DDAH1: variants seen among roughly 807,000 people sequenced by gnomAD.
DDAH1 encodes dimethylarginine dimethylaminohydrolase 1, also known as N(G),N(G)-dimethylarginine dimethylaminohydrolase 1.
A neutral mutation model predicts 28.8 loss-of-function variants in DDAH1; 19 were observed. The ratio of observed to expected loss-of-function variants is 0.66; its 90% confidence interval spans 0.46 to 0.97. The LOEUF is 0.97. DDAH1 is among the 50% of genes least tolerant of loss of function. DDAH1 has a pLI of 0.00. For missense variants in DDAH1, 326 were observed against 375.9 expected, an observed-to-expected ratio of 0.87 and a Z score of 1.10; for synonymous variants, 153 against 154.4, an observed-to-expected ratio of 0.99 and a Z score of 0.07.
chr1:85,417,132 A>T (rs1652922009), intron 1 of DDAH1, among the ~76,000 whole-genome samples: 1 of 152,210 alleles, frequency 6.6e-6, no homozygotes, highest in African/African-American at 2.4e-5. Context: ...CAGGTGAAAA[A>T]ATATGATTTT....
chr1:85,352,353 C>G (rs1409058941), intron 2 of DDAH1, among the ~76,000 whole-genome samples: 1 of 152,090 alleles, frequency 6.6e-6, no homozygotes, highest in East Asian at 1.9e-4. Context: ...TCCAGGATAG[C>G]CTCCAGCCAC....
intron 1 of DDAH1, among the ~76,000 whole-genome samples, chr1:85,518,306 G>T (rs534656082): frequency 6.6e-6 from 1 of 152,142 alleles, no homozygotes; most frequent in Non-Finnish European, 1.5e-5. Context: ...AGTTCAGCAG[G>T]TCAGAAGTCT....
chr1:85,323,936 T>C (rs1661456599), intron 5 of DDAH1, among the ~76,000 whole-genome samples: 1 of 136,616 alleles, frequency 7.3e-6, no homozygotes, highest in South Asian at 2.4e-4. Context: ...GCCACTGCAC[T>C]CCAGACTTGG....
chr1:85,333,072 G>A lies in DDAH1; in HGVS notation c.598-8189C>T, dbSNP rs375517203. 4.6e-5 allele frequency among the ~76,000 whole-genome samples: 7 copies of A among 152,302 alleles called. No individual in the cohort carries two copies. In the South Asian group the frequency reaches 1.4e-3, roughly 32 times the overall value. ...CTGGCGCCCACATATGCCACCCCGG[G>A]ACCCAAGAACAGGCATGCTTGGTCT... On this transcript the variant is annotated intron_variant, in intron 4 of 5. Coordinates refer to ENST00000284031, the MANE Select transcript of DDAH1 (RefSeq NM_012137.4).
intron 1 of DDAH1, among the ~76,000 whole-genome samples, chr1:85,396,406 G>A (rs1651815932): frequency 5.9e-5 from 9 of 152,134 alleles, no homozygotes; most frequent in Admixed American, 5.2e-4. Flanking sequence ...AGCAAGAGAG[G>A]AGTGGGGAGG....
At chr1:85,455,602 T>C (rs1654850430) in intron 1 of DDAH1, among the ~76,000 whole-genome samples, 1 of 152,202 alleles carries the variant, frequency 6.6e-6, no homozygotes, top group South Asian at 2.1e-4. Context: ...GACTTAGTTA[T>C]AACAGAAAAC....
At chr1:85,370,646 CAAAG>C (rs1373545530) in intron 1 of DDAH1, among the ~76,000 whole-genome samples, 1 of 152,070 alleles carries the variant, frequency 6.6e-6, no homozygotes, top group Non-Finnish European at 1.5e-5. Flanking sequence ...ACAGTGGAGA[CAAAG>C]AAAGTGCTGA....
At chr1:85,379,910 G>A (rs369073395) in intron 1 of DDAH1, among the ~76,000 whole-genome samples, 6 of 152,120 alleles carry the variant, frequency 3.9e-5, no homozygotes, top group African/African-American at 1.4e-4. Context: ...CTCATTCCCT[G>A]TTGCCTGAAT....
At chr1:85,524,515 T>C (rs1657796474) in intron 1 of DDAH1, among the ~76,000 whole-genome samples, 1 of 151,888 alleles carries the variant, frequency 6.6e-6, no homozygotes, top group Admixed American at 6.6e-5. Flanking sequence ...TTGTTTCTAC[T>C]GAAGACTCAT....
intron 1 of DDAH1, among the ~76,000 whole-genome samples, chr1:85,502,762 A>C (rs774583084): frequency 6.6e-6 from 1 of 152,032 alleles, no homozygotes; most frequent in Non-Finnish European, 1.5e-5. Context: ...GCCTGCATTA[A>C]AGAGTCCTCT....
At chr1:85,343,901 G>A (rs1169105455) in intron 4 of DDAH1, among the ~76,000 whole-genome samples, 3 of 152,220 alleles carry the variant, frequency 2.0e-5, no homozygotes, top group African/African-American at 4.8e-5. Flanking sequence ...TACAGTCTGA[G>A]TGATCTCTAT....
intron 1 of DDAH1, among the ~76,000 whole-genome samples, chr1:85,370,520 T>C (rs1346476940): frequency 1.3e-5 from 2 of 152,210 alleles, no homozygotes; most frequent in East Asian, 1.9e-4. Context: ...TTACAAATTC[T>C]GGATAGCTGC....
chr1:85,426,224 T>C (rs2100623708), intron 1 of DDAH1, among the ~76,000 whole-genome samples: 1 of 152,344 alleles, frequency 6.6e-6, no homozygotes, highest in South Asian at 2.1e-4. Context: ...AAATAATAGA[T>C]TTAAGTTATA....
intron 1 of DDAH1, among the ~76,000 whole-genome samples, chr1:85,450,115 C>A (rs1056236371): frequency 1.3e-5 from 2 of 152,066 alleles, no homozygotes; most frequent in African/African-American, 2.4e-5. Flanking sequence ...AGACAAGTTG[C>A]GTTTTTTCTT....
Position 85,318,519 on chromosome 1 carries a change from T to C in DDAH1, c.*2933A>G, listed in dbSNP as rs1183518795. 1 of 152,590 alleles carries C rather than the reference T, an allele frequency of 6.6e-6. No individual in the cohort carries two copies. The highest frequency in any genetic ancestry group is 1.5e-5 in the Non-Finnish European group (1 of 68,024). 9.5% of individuals were successfully genotyped at this position (152,590 alleles called of 1,614,324 possible). ...AACTCAACACTTTATTCCATTGTGA[T>C]TGGTATACATGTAAGATTGAGACAT... On this transcript the variant is annotated 3_prime_UTR_variant, in exon 6 of 6. Coordinates refer to ENST00000284031, the MANE Select transcript of DDAH1 (RefSeq NM_012137.4).
At chr1:85,554,457 T>G (rs1378409840) in intron 1 of DDAH1, among the ~76,000 whole-genome samples, 2 of 152,112 alleles carry the variant, frequency 1.3e-5, no homozygotes. Flanking sequence ...TAAGATTTTG[T>G]GGTGATTTTT....
chr1:85,563,100 C>A (rs560826377), intron 1 of DDAH1, among the ~76,000 whole-genome samples: 1 of 152,244 alleles, frequency 6.6e-6, no homozygotes, highest in East Asian at 1.9e-4. Flanking sequence ...TAAGCTGTAG[C>A]ACAGGCAGGG....
At chr1:85,357,033 G>GA (rs1649524486) in intron 2 of DDAH1, among the ~76,000 whole-genome samples, 1 of 152,190 alleles carries the variant, frequency 6.6e-6, no homozygotes, top group Admixed American at 6.5e-5. Context: ...AAGGAAGTGT[G>GA]ATTTACACAT....
intron 1 of DDAH1, among the ~76,000 whole-genome samples, chr1:85,503,846 G>A (rs1003873241): frequency 6.6e-6 from 1 of 152,126 alleles, no homozygotes; most frequent in Non-Finnish European, 1.5e-5. Flanking sequence ...CTAAGTGGCA[G>A]GTGATGATGG....
Sources: allele counts gnomAD v4.1 joint callset (sites outside exome capture counted in the v4.1 genomes callset), GRCh38; gene constraint gnomAD v4.1.1; transcripts MANE v1.5; gene names NCBI Gene and HGNC (gene_info 2026-07-23, HGNC 2026-07-21).